ADGRL3: variants seen among roughly 807,000 people sequenced by gnomAD.
ADGRL3 encodes the protein adhesion G protein-coupled receptor L3.
ADGRL3 carries 62 observed loss-of-function variants against 153.5 expected under a neutral mutation model. The ratio of observed to expected loss-of-function variants is 0.40; its 90% CI spans 0.33 to 0.50. ADGRL3 has a LOEUF of 0.50. Among genes scored for constraint, ADGRL3 ranks in the 20% least tolerant of loss-of-function variants. The probability of loss-of-function intolerance (pLI) is 0.47; values close to 1 mark genes in which losing one functional copy is unlikely to be tolerated. For synonymous variants in ADGRL3, 710 were observed against 672.5 expected, an observed-to-expected ratio of 1.06 and a Z score of -0.86; for missense variants, 1,641 against 1,859.4, an observed-to-expected ratio of 0.88 and a Z score of 2.16.
rs113819008 is a variant in ADGRL3 at position 61,698,970 on chromosome 4, C to T, written c.583+22035C>T. 1.6e-4 allele frequency among the ~76,000 whole-genome samples: 25 copies of T among 152,274 alleles called. 2 individuals carry two copies. Among genetic ancestry groups the T allele is most frequent in the African/African-American group, 5.8e-4 (24 of 41,546 alleles). On this transcript the variant is annotated intron_variant, in intron 6 of 26. Transcript: ENST00000683033. ...ACTTAAACCATTAGTGTGCTTCTTC[C>T]TCTAGGGACTTCCATTTATACTTTC...
At chr4:62,047,718 C>T (rs10015377) in intron 25 of ADGRL3, among the ~76,000 whole-genome samples, 3,989 of 152,090 alleles carry the variant, frequency 0.026, 184 homozygotes, top group African/African-American at 0.092. Flanking sequence ...AATTGTACTT[C>T]GCATATCTAT....
intron 9 of ADGRL3, among the ~76,000 whole-genome samples, chr4:61,823,434 C>G (rs572902915): frequency 6.6e-6 from 1 of 152,232 alleles, no homozygotes; most frequent in African/African-American, 2.4e-5. Flanking sequence ...CCGAAGAGAG[C>G]TAATCATACT....
At chr4:61,873,407 A>G (rs1027580188) in intron 9 of ADGRL3, among the ~76,000 whole-genome samples, 1 of 152,212 alleles carries the variant, frequency 6.6e-6, no homozygotes, top group Non-Finnish European at 1.5e-5. Context: ...TGTGCTTTGC[A>G]TTAGTTTCCT....
At chr4:61,362,879 A>G (rs1453553701) in intron 1 of ADGRL3, among the ~76,000 whole-genome samples, 1 of 152,144 alleles carries the variant, frequency 6.6e-6, no homozygotes, top group Non-Finnish European at 1.5e-5. Context: ...AAACCTTCTG[A>G]TCACTTCTGC....
intron 18 of ADGRL3, among the ~76,000 whole-genome samples, chr4:61,980,306 ATTTTTTT>A (rs756680977): frequency 8.1e-5 from 6 of 74,430 alleles, no homozygotes; most frequent in Non-Finnish European, 1.3e-4. Flanking sequence ...GTAACCACTA[ATTTTTTT>A]TTTTTTTTTT....
At chr4:61,972,184 G>T (rs2099030614) in intron 17 of ADGRL3, among the ~76,000 whole-genome samples, 1 of 151,952 alleles carries the variant, frequency 6.6e-6, no homozygotes, top group African/African-American at 2.4e-5. Context: ...TGTCAGTTTT[G>T]GCTTTTGTTG....
chr4:61,469,616 CA>C lies in ADGRL3; in HGVS notation c.-173-27504del, dbSNP rs149652186. Among the ~76,000 whole-genome samples, 41 of 152,070 alleles carry C rather than the reference CA, an allele frequency of 2.7e-4. No individual in the cohort carries two copies. In the East Asian group the frequency reaches 7.2e-3, roughly 27 times the overall value. On this transcript the variant is annotated intron_variant, in intron 2 of 26. Transcript: ENST00000683033. The stretch of plus-strand genomic sequence containing the variant: ...ATTTGCTTTTACACTATCCTAACAG[CA>C]TTTTATTCTTTGTTGTAAAATATTA...
At chr4:61,558,029 G>A (rs2098775338) in intron 4 of ADGRL3, among the ~76,000 whole-genome samples, 1 of 150,868 alleles carries the variant, frequency 6.6e-6, no homozygotes, top group African/African-American at 2.4e-5. Context: ...CCAGTTTTGA[G>A]AGTGTAAGAA....
chr4:61,210,802 G>T (rs1739634768), intron 1 of ADGRL3, among the ~76,000 whole-genome samples: 1 of 152,146 alleles, frequency 6.6e-6, no homozygotes, highest in African/African-American at 2.4e-5. Context: ...AACCTATTGA[G>T]AAATCATTTT....
At chr4:61,809,486 C>T (rs80206944) in intron 8 of ADGRL3, among the ~76,000 whole-genome samples, 14,032 of 151,994 alleles carry the variant, frequency 0.092, 736 homozygotes, top group Middle Eastern at 0.15. Flanking sequence ...TAGAGTTTCT[C>T]ATAAAAGTCA....
intron 5 of ADGRL3, among the ~76,000 whole-genome samples, chr4:61,655,455 C>A (rs970511627): frequency 2.6e-5 from 4 of 152,000 alleles, no homozygotes; most frequent in Non-Finnish European, 5.9e-5. Context: ...AATGTTTTCT[C>A]ATGCTTACCC....
chr4:61,749,689 T>G (rs548059385), intron 8 of ADGRL3, among the ~76,000 whole-genome samples: 187 of 150,692 alleles, frequency 1.2e-3, no homozygotes, highest in African/African-American at 4.4e-3. Context: ...AAGGAGAACA[T>G]CACACTCTCG....
intron 8 of ADGRL3, among the ~76,000 whole-genome samples, chr4:61,739,229 T>G (rs1279372513): frequency 1.3e-5 from 2 of 152,180 alleles, no homozygotes; most frequent in Non-Finnish European, 2.9e-5. Flanking sequence ...AAAAAGTTTT[T>G]TTTGGAACTA....
At chr4:61,780,980 G>A (rs2097206444) in intron 8 of ADGRL3, among the ~76,000 whole-genome samples, 1 of 152,116 alleles carries the variant, frequency 6.6e-6, no homozygotes, top group African/African-American at 2.4e-5. Flanking sequence ...ATTCTAATAT[G>A]GTTAAAAGGG....
intron 4 of ADGRL3, among the ~76,000 whole-genome samples, chr4:61,582,577 C>A (rs1416969497): frequency 1.3e-5 from 2 of 151,838 alleles, no homozygotes; most frequent in Non-Finnish European, 2.9e-5. Flanking sequence ...TTTTCTTTAA[C>A]CAGTCTACCA....
chr4:61,743,135 A>G (rs1378309837), intron 8 of ADGRL3, among the ~76,000 whole-genome samples: 2 of 151,928 alleles, frequency 1.3e-5, no homozygotes, highest in Admixed American at 6.6e-5. Context: ...CCTGGCTAAC[A>G]TGGCGAAACC....
At position 62,074,338 on chromosome 4, in the gene ADGRL3, G is replaced by A. The variant is rs1044547413; in HGVS notation, c.*3430G>A. ...ATATTTTTGTCACATTTTTAGACTT[G>A]GTTGTTTTTCCTCTTTGAAATCTAG... On this transcript the variant is annotated 3_prime_UTR_variant, in exon 27 of 27. Coordinates refer to ENST00000683033, the MANE Select transcript of ADGRL3 (RefSeq NM_001387552.1). The A allele has an allele frequency of 1.3e-5, 2 of 152,048 alleles. No individual in the cohort carries two copies. Among genetic ancestry groups the A allele is most frequent in the East Asian group, 1.9e-4 (1 of 5,154 alleles). 9.4% of individuals were successfully genotyped at this position (152,048 alleles called of 1,614,324 possible).
chr4:61,325,765 T>C (rs1208200375), intron 1 of ADGRL3, among the ~76,000 whole-genome samples: 2 of 152,170 alleles, frequency 1.3e-5, no homozygotes, highest in African/African-American at 4.8e-5. Context: ...AGTAAAAATA[T>C]GTTTAATAAA....
At chr4:61,778,656 CTTG>C (rs1286554499) in intron 8 of ADGRL3, among the ~76,000 whole-genome samples, 3 of 152,128 alleles carry the variant, frequency 2.0e-5, no homozygotes, top group African/African-American at 7.2e-5. Flanking sequence ...TTCATCGAAC[CTTG>C]TTATTATTAA....
Sources: gnomAD v4.1 joint callset for allele counts (sites outside exome capture counted in the v4.1 genomes callset) on GRCh38, gnomAD v4.1.1 for gene constraint, MANE v1.5 for transcripts, NCBI Gene and HGNC (gene_info 2026-07-23, HGNC 2026-07-21) for gene names.